The following GHR variants were observed in gnomAD, a reference collection of about 807,000 sequenced individuals.
GHR encodes growth hormone receptor, also known as GH receptor.
GHR carries 35 observed loss-of-function variants against 67.1 expected under a neutral mutation model. The observed-to-expected ratio is 0.52, with a 90% CI of 0.40 to 0.69. The LOEUF (loss-of-function observed/expected upper bound fraction) is 0.69, where lower values mean the gene tolerates loss of function less well. Among genes scored for constraint, GHR ranks in the 30% least tolerant of loss-of-function variants. The pLI, the probability that GHR is intolerant of heterozygous loss-of-function variation, is 0.00. For synonymous variants in GHR, 272 were observed against 269.1 expected (o/e 1.01, Z -0.10); for missense variants, 792 against 764.6 (o/e 1.04, Z -0.42).
At chr5:42,579,010 T>C (rs748695119) in intron 2 of GHR, among the ~76,000 whole-genome samples, 3 of 152,112 alleles carry the variant, frequency 2.0e-5, no homozygotes, top group Non-Finnish European at 4.4e-5. Context: ...GTTTTAGTTC[T>C]GTTGATTCTA....
At chr5:42,531,186 G>T (rs1747949981) in intron 1 of GHR, among the ~76,000 whole-genome samples, 1 of 151,846 alleles carries the variant, frequency 6.6e-6, no homozygotes, top group African/African-American at 2.4e-5. Flanking sequence ...AGAATTGCTT[G>T]AACCCAGGTG....
intron 1 of GHR, among the ~76,000 whole-genome samples, chr5:42,438,392 A>G (rs1405442270): frequency 6.6e-6 from 1 of 152,186 alleles, no homozygotes; most frequent in East Asian, 1.9e-4. Context: ...CCCTCCAAGA[A>G]GTGGAATTTA....
intron 2 of GHR, among the ~76,000 whole-genome samples, chr5:42,594,353 T>C (rs1318533126): frequency 6.6e-6 from 1 of 152,226 alleles, no homozygotes; most frequent in Non-Finnish European, 1.5e-5. Context: ...CCACTCTCCA[T>C]GGTCACTGTC....
intron 1 of GHR, chr5:42,425,079 T>G: frequency 6.8e-6 from 6 of 882,586 alleles, no homozygotes; most frequent in Non-Finnish European, 8.2e-6. Flanking sequence ...GAGTAGTTTC[T>G]GCATAGGATT....
In GHR at chr5:42,568,481, C is replaced by G. The variant is rs548008299; in HGVS notation, c.70+2537C>G. Among the ~76,000 whole-genome samples, 352 of 152,234 alleles carry G rather than the reference C, an allele frequency of 2.3e-3. 1 individual carries two copies. The highest frequency in any genetic ancestry group is 8.1e-3 in the African/African-American group (338 of 41,530). On this transcript the variant is annotated intron_variant, in intron 2 of 9. Coordinates refer to ENST00000230882, the MANE Select transcript of GHR (RefSeq NM_000163.5). ...TTTCAAAGGGCTTCACATGGTTGAC[C>G]TATCAACTGATTGTATCAAAATTGC...
intron 1 of GHR, among the ~76,000 whole-genome samples, chr5:42,474,281 A>AAGAAAGAAAGAAAGAAAAAG (rs1745154717): frequency 8.3e-6 from 1 of 120,020 alleles, no homozygotes; most frequent in South Asian, 2.9e-4. Context: ...GAAAGAAAGA[A>AAGAAAGAAAGAAAGAAAAAG]AGAAAAAGAG....
rs760736819 is a variant in GHR at position 42,719,379 on chromosome 5, A to G, written c.1872A>G (p.Ser624=). Residue 624 remains serine, a synonymous_variant, in exon 10 of 10, where the codon TCA becomes TCG. Coordinates refer to ENST00000230882, the MANE Select transcript of GHR (RefSeq NM_000163.5). ...LPLPDKEFLS[S]CGYVSTDQLN... ...TGCCTGACAAAGAGTTTCTCTCATC[A>G]TGTGGCTATGTGAGCACAGACCAAC... The G allele has an allele frequency of 5.0e-6, 8 of 1,613,938 alleles. No homozygotes were observed. The South Asian group carries it at 7.7e-5, about 16-fold the overall frequency.
intron 2 of GHR, among the ~76,000 whole-genome samples, chr5:42,603,788 C>A (rs765203519): frequency 1.2e-4 from 18 of 152,190 alleles, no homozygotes; most frequent in African/African-American, 1.7e-4. Context: ...GCAGTAAATA[C>A]CAGTTTGGTG....
rs558640597 is a variant in GHR at position 42,661,712 on chromosome 5, C to A, written c.137-27178C>A. Among the ~76,000 whole-genome samples the A allele has an allele frequency of 4.7e-3, 711 of 152,276 alleles. 6 individuals carry two copies. Among genetic ancestry groups the A allele is most frequent in the African/African-American group, 0.016 (682 of 41,562 alleles). On this transcript the variant is annotated intron_variant, in intron 3 of 9. Coordinates refer to ENST00000230882, the MANE Select transcript of GHR (RefSeq NM_000163.5). ...CTGCATCAACTAACGAGTAAAATAACCAGCTAACATCATAATGACAGGATC... is the reference window on the plus strand; with the variant it reads ...CTGCATCAACTAACGAGTAAAATAAACAGCTAACATCATAATGACAGGATC...
intron 3 of GHR, among the ~76,000 whole-genome samples, chr5:42,644,416 T>C (rs1754628266): frequency 6.6e-6 from 1 of 152,060 alleles, no homozygotes; most frequent in Non-Finnish European, 1.5e-5. Flanking sequence ...CTGAAAGAAA[T>C]TGTCTGGTTT....
Position 42,580,148 on chromosome 5 carries a change from A to G in GHR, c.70+14204A>G, listed in dbSNP as rs566410417. Among the ~76,000 whole-genome samples, 51 of 152,264 alleles carry G rather than the reference A, an allele frequency of 3.3e-4. No individual in the cohort carries two copies. In the South Asian group the frequency reaches 0.01, roughly 30 times the overall value. On this transcript the variant is annotated intron_variant, in intron 2 of 9. Coordinates refer to ENST00000230882, the MANE Select transcript of GHR (RefSeq NM_000163.5). Reference sequence around the variant, plus strand: ...ATATTTATGTCTTATATCTGGGTTGATCTGGTTGCCTTCAGCTTTCCTCAC... The same window carrying G: ...ATATTTATGTCTTATATCTGGGTTGGTCTGGTTGCCTTCAGCTTTCCTCAC...
chr5:42,646,435 T>C (rs989891023), intron 3 of GHR: 2 of 389,804 alleles, frequency 5.1e-6, no homozygotes, highest in African/African-American at 2.1e-5. Context: ...ACATCACCCA[T>C]AATAAAAGTA....
At chr5:42,710,074 A>G (rs929247705) in intron 6 of GHR, among the ~76,000 whole-genome samples, 1 of 152,162 alleles carries the variant, frequency 6.6e-6, no homozygotes, top group Non-Finnish European at 1.5e-5. Context: ...AAAAAATAAT[A>G]AAGTAAGTTC....
At chr5:42,494,905 G>A (rs1252389590) in intron 1 of GHR, among the ~76,000 whole-genome samples, 1 of 152,036 alleles carries the variant, frequency 6.6e-6, no homozygotes, top group African/African-American at 2.4e-5. Context: ...AAATATGTAG[G>A]TAGTTGGAAT....
chr5:42,470,557 T>A (rs1308393276), intron 1 of GHR, among the ~76,000 whole-genome samples: 1 of 152,206 alleles, frequency 6.6e-6, no homozygotes, highest in Non-Finnish European at 1.5e-5. Context: ...ATATGAAATT[T>A]GACTTTTGGC....
At chr5:42,488,057 T>G (rs1745955290) in intron 1 of GHR, among the ~76,000 whole-genome samples, 1 of 152,246 alleles carries the variant, frequency 6.6e-6, no homozygotes, top group Admixed American at 6.5e-5. Context: ...ACACACAGTC[T>G]ACTTGCTGTG....
chr5:42,541,488 A>G (rs569026377), intron 1 of GHR, among the ~76,000 whole-genome samples: 1 of 152,248 alleles, frequency 6.6e-6, no homozygotes, highest in African/African-American at 2.4e-5. Context: ...TTGGGAAAAA[A>G]TCAGATAGGA....
At chr5:42,579,135 ATAGAT>A (rs1750981248) in intron 2 of GHR, among the ~76,000 whole-genome samples, 3 of 64,394 alleles carry the variant, frequency 4.7e-5, no homozygotes, top group African/African-American at 6.3e-5. Context: ...AGATAGATAG[ATAGAT>A]GATAGATAGA....
intron 1 of GHR, among the ~76,000 whole-genome samples, chr5:42,474,958 A>C (rs1051616997): frequency 7.4e-6 from 1 of 135,270 alleles, no homozygotes; most frequent in African/African-American, 2.9e-5. Context: ...ATCTTGGCTC[A>C]TTGCAACTTC....
Sources: gnomAD v4.1 joint callset for allele counts (sites outside exome capture counted in the v4.1 genomes callset) on GRCh38, gnomAD v4.1.1 for gene constraint, MANE v1.5 for transcripts, NCBI Gene and HGNC (gene_info 2026-07-23, HGNC 2026-07-21) for gene names.